Variants in EHF observed in about 807,000 individuals in gnomAD.
EHF encodes ESE3 transcription factor.
Under a neutral mutation model 45.1 loss-of-function variants are expected in EHF, and 14 were observed. That is an observed-to-expected ratio of 0.31 (90% CI 0.21 to 0.49). The LOEUF (loss-of-function observed/expected upper bound fraction) is 0.49. Ranked by LOEUF, EHF falls within the 20% of genes least tolerant of loss-of-function variation. EHF has a pLI of 0.99. For synonymous variants in EHF, 136 were observed against 131.8 expected (o/e 1.03, Z -0.22); for missense variants, 282 against 371.4 (o/e 0.76, Z 1.98).
chr11:34,633,451 G>A (rs895603536), intron 1 of EHF, among the ~76,000 whole-genome samples: 1 of 152,146 alleles, frequency 6.6e-6, no homozygotes, highest in Non-Finnish European at 1.5e-5. Flanking sequence ...TCTCAATGGC[G>A]AGAGTGTTCA....
intron 2 of EHF, among the ~76,000 whole-genome samples, 168 bp from the exon 3 acceptor site, chr11:34,646,271 G>A (rs1259143368): frequency 6.6e-6 from 1 of 152,068 alleles, no homozygotes; most frequent in Non-Finnish European, 1.5e-5. Context: ...TAGGTAGCAG[G>A]CTAGGGAGGA....
At chr11:34,639,017 A>G (rs1590460550) in intron 1 of EHF, among the ~76,000 whole-genome samples, 1 of 152,232 alleles carries the variant, frequency 6.6e-6, no homozygotes, top group Non-Finnish European at 1.5e-5. Flanking sequence ...CTTTAGACCC[A>G]TTATAATTAT....
At chr11:34,625,960 G>A (rs1377154962) in intron 1 of EHF, among the ~76,000 whole-genome samples, 3 of 152,086 alleles carry the variant, frequency 2.0e-5, no homozygotes. Flanking sequence ...CATACAAAAT[G>A]TGCTTTCTGA....
chr11:34,632,539 C>G (rs754793836), intron 1 of EHF: 20 of 1,535,318 alleles, frequency 1.3e-5, no homozygotes, highest in Non-Finnish European at 1.6e-5. Context: ...GAAGCATTAT[C>G]CTCTCTGCCA....
At chr11:34,649,664 T>A (rs1348529881) in intron 4 of EHF, among the ~76,000 whole-genome samples, 9 of 152,294 alleles carry the variant, frequency 5.9e-5, no homozygotes, top group African/African-American at 2.2e-4. Context: ...TCCCATAGCA[T>A]CTACATTCAT....
Position 34,659,010 on chromosome 11 carries a change from A to C in EHF, c.*79A>C. The C allele has an allele frequency of 8.1e-6, 9 of 1,107,684 alleles. No individual in the cohort carries two copies. The highest frequency in any genetic ancestry group is 9.1e-6 in the Non-Finnish European group (7 of 773,016). The allele number at this position is 1,107,684 out of a possible 1,614,324, so 68.6% of individuals were successfully genotyped here. A position where few individuals can be genotyped will look rare whatever the true frequency, so the allele number is the denominator to read the frequency against. On this transcript the variant is annotated 3_prime_UTR_variant, in exon 9 of 9. Coordinates refer to ENST00000257831, the MANE Select transcript of EHF (RefSeq NM_012153.6). ...AAGAACTCCTGGACGTAAATATTTC[A>C]AAGACTACTTTTCTCTGATATTTAT... is the stretch of plus-strand genomic sequence containing the variant.
intron 2 of EHF, 45 bp downstream of exon 2, chr11:34,642,772 G>A (rs747907192): frequency 9.3e-6 from 13 of 1,395,284 alleles, no homozygotes; most frequent in Non-Finnish European, 1.2e-5. Context: ...TGCTGTGTGG[G>A]CTCTTTGCTT....
chr11:34,640,270 T>C (rs1305661806), intron 1 of EHF, among the ~76,000 whole-genome samples: 1 of 152,142 alleles, frequency 6.6e-6, no homozygotes, highest in Non-Finnish European at 1.5e-5. Flanking sequence ...TGCTTTCTGC[T>C]TGTCAGGAAG....
intron 6 of EHF, among the ~76,000 whole-genome samples, chr11:34,656,144 AT>A (rs1321165552): frequency 6.6e-6 from 1 of 152,052 alleles, no homozygotes; most frequent in African/African-American, 2.4e-5. Flanking sequence ...TCTGAGAAGA[AT>A]TTTTATTTCC....
At chr11:34,637,810 C>T (rs1007617674) in intron 1 of EHF, among the ~76,000 whole-genome samples, 3 of 152,112 alleles carry the variant, frequency 2.0e-5, no homozygotes, top group Admixed American at 1.3e-4. Flanking sequence ...AAATCAAATA[C>T]ACTTCCCTCC....
At chr11:34,646,101 T>C (rs544424961) in intron 2 of EHF, among the ~76,000 whole-genome samples, 8 of 141,374 alleles carry the variant, frequency 5.7e-5, no homozygotes, top group African/African-American at 2.1e-4. Flanking sequence ...AGAGAGTGAG[T>C]GAGAGAGAAG....
intron 4 of EHF, 146 bp from the exon 5 acceptor site, chr11:34,651,396 G>C: frequency 1.5e-6 from 1 of 654,594 alleles, no homozygotes; most frequent in South Asian, 1.9e-5. Context: ...ATAAAGTAAC[G>C]CAGCTGAAGC....
chr11:34,656,601 C>A (rs1855697375), intron 6 of EHF, among the ~76,000 whole-genome samples: 1 of 152,172 alleles, frequency 6.6e-6, no homozygotes, highest in Non-Finnish European at 1.5e-5. Context: ...GGCTGTTGCA[C>A]AAGCTCTCTG....
At chr11:34,622,924 C>T (rs982419857) in intron 1 of EHF, among the ~76,000 whole-genome samples, 1 of 152,170 alleles carries the variant, frequency 6.6e-6, no homozygotes, top group Non-Finnish European at 1.5e-5. Flanking sequence ...GCTGTAAGTT[C>T]TCTTACATGA....
chr11:34,642,126 C>A, intron 1 of EHF: 1 of 153,724 alleles, frequency 6.5e-6, no homozygotes. Flanking sequence ...CAGCCTGTGG[C>A]AGATACCCGC....
At chr11:34,650,322 C>T (rs1855020114) in intron 4 of EHF, among the ~76,000 whole-genome samples, 1 of 152,150 alleles carries the variant, frequency 6.6e-6, no homozygotes, top group African/African-American at 2.4e-5. Context: ...GCCAACACCC[C>T]CATACCTCTT....
At position 34,630,588 on chromosome 11, in the gene EHF, A is replaced by T. The variant is rs373409559; in HGVS notation, c.-4+9360A>T. Among the ~76,000 whole-genome samples, 130 of 152,200 alleles carry T rather than the reference A, an allele frequency of 8.5e-4. 5 individuals carry two copies. In the South Asian group the frequency reaches 0.027, roughly 31 times the overall value. On this transcript the variant is annotated intron_variant, in intron 1 of 8. Transcript: ENST00000257831. The stretch of plus-strand genomic sequence containing the variant: ...GAAACTTGACTCTTGAAATGGTCAA[A>T]TCCATTGTCCTAGTTCATCCTGACC...
At chr11:34,649,856 A>T (rs978960813) in intron 4 of EHF, among the ~76,000 whole-genome samples, 1 of 152,254 alleles carries the variant, frequency 6.6e-6, no homozygotes, top group Non-Finnish European at 1.5e-5. Context: ...GATGTGTCCC[A>T]GTCACCAAGG....
At chr11:34,625,362 C>T (rs1040163246) in intron 1 of EHF, among the ~76,000 whole-genome samples, 1 of 152,192 alleles carries the variant, frequency 6.6e-6, no homozygotes, top group Non-Finnish European at 1.5e-5. Context: ...GGGGCAGGTG[C>T]TCTACTGGTG....
Sources: allele counts gnomAD v4.1 joint callset (sites outside exome capture counted in the v4.1 genomes callset), GRCh38; gene constraint gnomAD v4.1.1; transcripts MANE v1.5; gene names NCBI Gene and HGNC (gene_info 2026-07-23, HGNC 2026-07-21).